Variants in FGF14 observed in about 807,000 individuals in gnomAD.
FGF14 encodes fibroblast growth factor 14.
Under a neutral mutation model 25.5 loss-of-function variants are expected in FGF14, and 5 were observed. That is an observed-to-expected ratio of 0.20 (90% CI 0.10 to 0.41). The LOEUF is 0.41. Ranked by LOEUF, FGF14 falls within the 10% of genes least tolerant of loss-of-function variation. FGF14 has a pLI of 1.00. For synonymous variants in FGF14, 138 were observed against 118.3 expected (o/e 1.17, Z -1.08); for missense variants, 222 against 320.1 (o/e 0.69, Z 2.34).
rs149468340 is a variant in FGF14, at chr13:102,302,490, T to A, written c.208+98981A>T. Among the ~76,000 whole-genome samples, 1,045 of 152,132 alleles carry A rather than the reference T, an allele frequency of 6.9e-3. 13 individuals are homozygous for A. Among genetic ancestry groups the A allele is most frequent in the South Asian group, 0.044 (210 of 4,810 alleles). On this transcript the variant is annotated intron_variant, in intron 1 of 4. Transcript: ENST00000376131. ...TTTCCAGGTGGAGCCATGGACTCAGTTACTAACAACTCCCAAATTTACATC... is the reference window on the plus strand; with the variant it reads ...TTTCCAGGTGGAGCCATGGACTCAGATACTAACAACTCCCAAATTTACATC...
intron 1 of FGF14, among the ~76,000 whole-genome samples, chr13:102,350,296 G>A (rs550965769): frequency 6.6e-6 from 1 of 151,760 alleles, no homozygotes; most frequent in East Asian, 1.9e-4. Context: ...TTGAGCCCAA[G>A]AGTTTGAGGT....
chr13:101,734,269 G>A (rs1015244644), intron 3 of FGF14, among the ~76,000 whole-genome samples: 3 of 152,222 alleles, frequency 2.0e-5, no homozygotes, highest in African/African-American at 4.8e-5. Flanking sequence ...CATTTTAAGA[G>A]CTGTCAATTA....
intron 1 of FGF14, among the ~76,000 whole-genome samples, chr13:102,297,150 C>T (rs548651943): frequency 7.9e-5 from 12 of 152,220 alleles, no homozygotes; most frequent in African/African-American, 1.4e-4. Flanking sequence ...CATTTTACCT[C>T]GGATTTTCCT....
chr13:102,218,644 GGGTGCCATAACTCTCACC>G (rs1428904124), intron 1 of FGF14, among the ~76,000 whole-genome samples: 98 of 151,968 alleles, frequency 6.4e-4, no homozygotes, highest in African/African-American at 2.3e-3. Context: ...AATTAAGCTA[GGGTGCCATAACTCTCACC>G]CTTTTTAATC....
rs191241789 is a variant in FGF14 at position 101,907,327 on chromosome 13, C to A, written c.193+9126G>T. Among the ~76,000 whole-genome samples, 16 of 152,240 alleles carry A rather than the reference C, an allele frequency of 1.1e-4. No homozygotes were observed. In the South Asian group the frequency reaches 3.3e-3, roughly 32 times the overall value. ...ACATGGAATAGTTAACGTATTAATA[C>A]TCTCAATTAGAAACCCAAATATATC... On this transcript the variant is annotated intron_variant, in intron 1 of 4. Coordinates refer to ENST00000376143, the MANE Select transcript of FGF14 (RefSeq NM_004115.4).
chr13:102,087,576 T>TG lies in FGF14; in HGVS notation c.209-212281_209-212280insC, dbSNP rs1491218508. On this transcript the variant is annotated intron_variant, in intron 1 of 4. Coordinates refer to the FGF14 transcript ENST00000376131. ...ACAGGCACCTGCCACCATGCCTGGC[T>TG]TTTTTTTTTTTTTTTTTTTTTGTAT... Among the ~76,000 whole-genome samples the TG allele has an allele frequency of 6.2e-4, 6 of 9,610 alleles. No homozygotes were observed. The East Asian group carries it at 0.018, about 29-fold the overall frequency. 6.3% of individuals were successfully genotyped at this position (9,610 alleles called of 152,430 possible).
chr13:101,728,732 C>T (rs1250067355), intron 3 of FGF14, among the ~76,000 whole-genome samples: 1 of 152,124 alleles, frequency 6.6e-6, no homozygotes, highest in Non-Finnish European at 1.5e-5. Flanking sequence ...CTATGAGTGA[C>T]ATGCTGAGAG....
chr13:102,254,707 C>A (rs2052355715), intron 1 of FGF14, among the ~76,000 whole-genome samples: 1 of 152,148 alleles, frequency 6.6e-6, no homozygotes, highest in Admixed American at 6.5e-5. Context: ...TCAACAGCAT[C>A]CCTGGCCTCT....
chr13:101,906,238 T>C (rs2032227732), intron 1 of FGF14, among the ~76,000 whole-genome samples: 1 of 152,144 alleles, frequency 6.6e-6, no homozygotes, highest in Admixed American at 6.6e-5. Flanking sequence ...AGTCATCTCA[T>C]TTGCTGGAAT....
At chr13:101,878,834 A>G (rs1391185971) in intron 1 of FGF14, among the ~76,000 whole-genome samples, 1 of 152,094 alleles carries the variant, frequency 6.6e-6, no homozygotes, top group African/African-American at 2.4e-5. Flanking sequence ...AACATGTATT[A>G]ATGTAATATG....
chr13:101,741,307 G>T (rs1294928578), intron 3 of FGF14, among the ~76,000 whole-genome samples: 2 of 152,152 alleles, frequency 1.3e-5, no homozygotes, highest in Admixed American at 1.3e-4. Flanking sequence ...TTGCACTCCA[G>T]CCTGGCAGAC....
At chr13:102,102,218 G>C (rs142956525) in intron 1 of FGF14, among the ~76,000 whole-genome samples, 1 of 152,150 alleles carries the variant, frequency 6.6e-6, no homozygotes, top group African/African-American at 2.4e-5. Flanking sequence ...TAACCCAGTA[G>C]TAGCAAGAAC....
chr13:102,225,948 G>C (rs1253093984), intron 1 of FGF14, among the ~76,000 whole-genome samples: 2 of 152,108 alleles, frequency 1.3e-5, no homozygotes, highest in African/African-American at 4.8e-5. Context: ...TTTATTCATT[G>C]TTTCAATTTG....
intron 3 of FGF14, among the ~76,000 whole-genome samples, chr13:101,800,479 T>G (rs973520461): frequency 6.6e-6 from 1 of 152,194 alleles, no homozygotes; most frequent in Non-Finnish European, 1.5e-5. Flanking sequence ...AAGGGACTTA[T>G]CCATTTGCTG....
At chr13:101,866,586 A>G (rs568779871) in intron 3 of FGF14, among the ~76,000 whole-genome samples, 24 of 127,528 alleles carry the variant, frequency 1.9e-4, no homozygotes, top group Admixed American at 9.5e-4. Flanking sequence ...TTGTTATTGT[A>G]TAGATATAGC....
At chr13:101,880,028 T>C (rs2045612530) in intron 1 of FGF14, among the ~76,000 whole-genome samples, 3 of 152,190 alleles carry the variant, frequency 2.0e-5, no homozygotes. Context: ...TTGCTATCTT[T>C]GTTTATCCCT....
chr13:101,835,607 G>A (rs1236839528), intron 3 of FGF14, among the ~76,000 whole-genome samples: 1 of 151,904 alleles, frequency 6.6e-6, no homozygotes, highest in African/African-American at 2.4e-5. Flanking sequence ...AAGTCCTAAC[G>A]TGCAGTGCTA....
At chr13:102,153,584 T>C (rs1455082027) in intron 1 of FGF14, among the ~76,000 whole-genome samples, 4 of 152,040 alleles carry the variant, frequency 2.6e-5, no homozygotes, top group African/African-American at 9.7e-5. Flanking sequence ...TTTGAGAATT[T>C]TGTTTATTTT....
In FGF14 at chr13:102,280,753, TAACA is replaced by T. The variant is rs573083595; in HGVS notation, c.208+120714_208+120717del. ...AAGAACAGCTCCAAGAGCTAAGATT[TAACA>T]AACAAACAAACAAGATCTAGAGTTT... is the stretch of plus-strand genomic sequence containing the variant. On this transcript the variant is annotated intron_variant, in intron 1 of 4. Coordinates refer to the FGF14 transcript ENST00000376131. 1.8e-3 allele frequency among the ~76,000 whole-genome samples: 279 copies of T among 152,230 alleles called. 2 individuals are homozygous for T. The highest frequency in any genetic ancestry group is 6.2e-3 in the African/African-American group (259 of 41,534).
Sources: gnomAD v4.1 joint callset for allele counts (sites outside exome capture counted in the v4.1 genomes callset) on GRCh38, gnomAD v4.1.1 for gene constraint, MANE v1.5 for transcripts, NCBI Gene and HGNC (gene_info 2026-07-23, HGNC 2026-07-21) for gene names.